AUTS2: variants seen among roughly 807,000 people sequenced by gnomAD.
The protein encoded by AUTS2 is activator of transcription and developmental regulator AUTS2.
AUTS2 carries 17 observed loss-of-function variants against 112.4 expected under a neutral mutation model. The ratio of observed to expected loss-of-function variants is 0.15; its 90% CI spans 0.10 to 0.23. AUTS2 has a LOEUF of 0.23. Ranked by LOEUF, AUTS2 falls within the 10% of genes least tolerant of loss-of-function variation. The pLI, the probability that AUTS2 is intolerant of heterozygous loss-of-function variation, is 1.00. For missense variants in AUTS2, 1,510 were observed against 1,701.6 expected (o/e 0.89, Z 1.98); for synonymous variants, 751 against 702.7 (o/e 1.07, Z -1.09).
At chr7:70,009,448 C>T (rs1451015785) in intron 2 of AUTS2, among the ~76,000 whole-genome samples, 2 of 152,192 alleles carry the variant, frequency 1.3e-5, no homozygotes, top group Non-Finnish European at 2.9e-5. Context: ...CCCGAAAAGA[C>T]TACAAATAAT....
chr7:69,898,247 A>C (rs1407552253), intron 1 of AUTS2, among the ~76,000 whole-genome samples: 1 of 152,188 alleles, frequency 6.6e-6, no homozygotes, highest in African/African-American at 2.4e-5. Flanking sequence ...GCAGAAACTG[A>C]GGAAGTGTGG....
At chr7:69,671,474 G>C (rs1796318872) in intron 1 of AUTS2, among the ~76,000 whole-genome samples, 1 of 30,612 alleles carries the variant, frequency 3.3e-5, no homozygotes, top group Admixed American at 3.2e-4. Context: ...TGTTTTGGCT[G>C]CTGCTGCTGC....
chr7:69,916,657 G>A (rs776046602), intron 2 of AUTS2, among the ~76,000 whole-genome samples: 2 of 152,038 alleles, frequency 1.3e-5, no homozygotes, highest in Non-Finnish European at 1.5e-5. Context: ...CCATAAATCT[G>A]TTCATACTAG....
intron 5 of AUTS2, among the ~76,000 whole-genome samples, chr7:70,506,577 GGA>G (rs1798970841): frequency 6.6e-6 from 1 of 152,044 alleles, no homozygotes; most frequent in Non-Finnish European, 1.5e-5. Context: ...GGAGGGAGAG[GGA>G]GAGAGAATAA....
At chr7:69,674,897 G>A (rs1364007841) in intron 1 of AUTS2, among the ~76,000 whole-genome samples, 1 of 152,184 alleles carries the variant, frequency 6.6e-6, no homozygotes, top group Non-Finnish European at 1.5e-5. Flanking sequence ...GCGTACTGCA[G>A]GAACAGATTC....
chr7:69,652,065 A>G (rs562969248), intron 1 of AUTS2, among the ~76,000 whole-genome samples: 1 of 152,296 alleles, frequency 6.6e-6, no homozygotes, highest in East Asian at 1.9e-4. Context: ...TGGAGCCTCC[A>G]GCTTGTAGGA....
chr7:70,607,633 C>G (rs1803855114), intron 5 of AUTS2, among the ~76,000 whole-genome samples: 1 of 152,208 alleles, frequency 6.6e-6, no homozygotes, highest in Non-Finnish European at 1.5e-5. Flanking sequence ...TCAGGCGACG[C>G]TGCAGTTCAG....
intron 1 of AUTS2, among the ~76,000 whole-genome samples, chr7:69,792,232 G>GTTTTT (rs148860619): frequency 1.4e-5 from 2 of 146,750 alleles, no homozygotes; most frequent in Non-Finnish European, 3.0e-5. Context: ...TTAAGTTGTT[G>GTTTTT]TTTTTTTTTT....
At chr7:69,978,415 A>G (rs955766891) in intron 2 of AUTS2, among the ~76,000 whole-genome samples, 17 of 152,234 alleles carry the variant, frequency 1.1e-4, no homozygotes, top group African/African-American at 4.1e-4. Context: ...CCAGAAGAAG[A>G]TCATGGAGGA....
At chr7:70,669,790 G>A (rs1345478066) in intron 5 of AUTS2, among the ~76,000 whole-genome samples, 3 of 152,154 alleles carry the variant, frequency 2.0e-5, no homozygotes, top group African/African-American at 7.2e-5. Context: ...TGGCACAAGG[G>A]CTCTGAGGAT....
At chr7:69,611,108 A>G (rs1001969817) in intron 1 of AUTS2, among the ~76,000 whole-genome samples, 10 of 152,248 alleles carry the variant, frequency 6.6e-5, no homozygotes, top group Non-Finnish European at 1.5e-4. Context: ...ATTCCTAACC[A>G]TAGTGACATA....
At chr7:69,985,779 A>G (rs1175150868) in intron 2 of AUTS2, among the ~76,000 whole-genome samples, 2 of 149,520 alleles carry the variant, frequency 1.3e-5, no homozygotes, top group Non-Finnish European at 3.0e-5. Flanking sequence ...TTTTTTTGAG[A>G]CAGGGTCTTG....
chr7:70,631,640 A>C lies in AUTS2; in HGVS notation c.691-66929A>C, dbSNP rs1322292786. On this transcript the variant is annotated intron_variant, in intron 5 of 18. Transcript: ENST00000342771. The surrounding 1 kb of genome is among the most constrained non-coding windows in gnomAD (Gnocchi z 4.5). ...GCTATGAAAATGGCCCAGCTGCAGA[A>C]AGTCATTCCTCACGAAGAAATGGGT... Among the ~76,000 whole-genome samples, 1 of 152,160 alleles carries C rather than the reference A, an allele frequency of 6.6e-6. No homozygotes were observed. Among genetic ancestry groups the C allele is most frequent in the Non-Finnish European group, 1.5e-5 (1 of 68,032 alleles).
intron 5 of AUTS2, among the ~76,000 whole-genome samples, chr7:70,538,438 G>T (rs1158434916): frequency 6.6e-6 from 1 of 152,120 alleles, no homozygotes; most frequent in Non-Finnish European, 1.5e-5. Context: ...GCTGAGGCAG[G>T]AGCATCGCTT....
intron 2 of AUTS2, among the ~76,000 whole-genome samples, chr7:70,102,377 C>T (rs1000657415): frequency 6.6e-6 from 1 of 152,010 alleles, no homozygotes; most frequent in Non-Finnish European, 1.5e-5. Context: ...CTCAGCCTCC[C>T]AAAGAGCTGG....
chr7:70,087,932 A>G (rs115696394), intron 2 of AUTS2, among the ~76,000 whole-genome samples: 86 of 152,074 alleles, frequency 5.7e-4, no homozygotes, highest in African/African-American at 2.0e-3. Context: ...TTCTTAAGTA[A>G]CATTTGGTAG....
At chr7:70,720,496 G>A (rs1331517754) in intron 6 of AUTS2, among the ~76,000 whole-genome samples, 2 of 152,130 alleles carry the variant, frequency 1.3e-5, no homozygotes, top group African/African-American at 4.8e-5. Flanking sequence ...TTCTCTTCAT[G>A]TTCCTACAAA....
chr7:70,681,927 A>C (rs1434678646), intron 5 of AUTS2, among the ~76,000 whole-genome samples: 1 of 152,170 alleles, frequency 6.6e-6, no homozygotes, highest in Non-Finnish European at 1.5e-5. Context: ...CAAAGCACTC[A>C]TATCTTATGG....
chr7:70,496,015 ACACACCCCCCC>A (rs1798468703), intron 5 of AUTS2, among the ~76,000 whole-genome samples: 1 of 103,572 alleles, frequency 9.7e-6, no homozygotes. Context: ...AGTCACACAC[ACACACCCCCCC>A]CACACACATG....
Sources: allele counts gnomAD v4.1 joint callset (sites outside exome capture counted in the v4.1 genomes callset), GRCh38; gene constraint gnomAD v4.1.1; non-coding constraint Gnocchi (gnomAD v3.1); transcripts MANE v1.5; gene names NCBI Gene and HGNC (gene_info 2026-07-23, HGNC 2026-07-21).